FBP2: variants seen among roughly 807,000 people sequenced by gnomAD.
FBP2 encodes fructose-bisphosphatase 2, also known as fructose-1,6-bisphosphatase isozyme 2.
Under a neutral mutation model 31.6 loss-of-function variants are expected in FBP2, and 27 were observed. The ratio of observed to expected loss-of-function variants is 0.85; its 90% CI spans 0.63 to 1.18. FBP2 has a LOEUF of 1.18. FBP2 is among the 50% of genes most tolerant of loss of function. The pLI is 0.00. For missense variants in FBP2, 421 were observed against 436.1 expected (o/e 0.97, Z 0.31); for synonymous variants, 168 against 179.8 (o/e 0.93, Z 0.53).
At chr9:94,559,256 T>C in intron 6 of FBP2, 124 bp from the exon 7 acceptor site, 1 of 772,822 alleles carries the variant, frequency 1.3e-6, no homozygotes, top group African/African-American at 1.7e-5. Flanking sequence ...GAGCGCACCA[T>C]GCACCTTGCA....
intron 6 of FBP2, 85 bp downstream of exon 6, chr9:94,563,257 G>A: frequency 3.4e-6 from 5 of 1,470,098 alleles, no homozygotes; most frequent in Admixed American, 3.9e-5. Context: ...ATGAAGCAGT[G>A]CAGTAGCCAA....
rs1264862749 is a variant in FBP2 at position 94,593,574 on chromosome 9, C to T, written c.153G>A (p.Lys51=). 6.2e-7 allele frequency: 1 copy of T among 1,613,902 alleles called. No homozygotes were observed. Among genetic ancestry groups the T allele is most frequent in the Non-Finnish European group, 8.5e-7 (1 of 1,179,978 alleles). The change falls in exon 1 of 7, where the codon AAG becomes AAA. Residue 51 remains lysine (K), a synonymous_variant. Transcript: ENST00000375337. ...GGACTCACAGGTGGGCCAGACCGGC[C>T]TTGCGCACAGCCGAGGAGATGGCTT... The part of the protein sequence containing the change: ...AIKAISSAVR[K]AGLAHLYGIA...
At chr9:94,584,764 CAA>C in intron 2 of FBP2, 95 bp from the exon 3 acceptor site, 1 of 741,816 alleles carries the variant, frequency 1.3e-6, no homozygotes, top group East Asian at 2.6e-5. Flanking sequence ...TACACCACAT[CAA>C]AAAGAGATTG....
intron 3 of FBP2, among the ~76,000 whole-genome samples, chr9:94,572,500 G>T (rs1460861286): frequency 6.6e-6 from 1 of 152,192 alleles, no homozygotes; most frequent in Non-Finnish European, 1.5e-5. Flanking sequence ...CTGACCTCAT[G>T]GTCTGGTCTT....
At position 94,593,692 on chromosome 9, in the gene FBP2, A is replaced by G. The variant is rs1827526852; in HGVS notation, c.35T>C (p.Leu12Pro). The G allele has an allele frequency of 1.2e-6, 2 of 1,614,038 alleles. No individual in the cohort carries two copies. Among genetic ancestry groups the G allele is most frequent in the African/African-American group, 2.7e-5 (2 of 74,924 alleles). The change falls in exon 1 of 7, where the codon CTC (leucine) becomes CCC (proline). Residue 12 changes from leucine (L) to proline (P), a missense_variant. Transcript: ENST00000375337. ...TTCCATAACGTAGCGGGTCAGGGTGAGCATGTCGGTTTCGAAGGGGCTTCT... is the reference window on the plus strand; with the variant it reads ...TTCCATAACGTAGCGGGTCAGGGTGGGCATGTCGGTTTCGAAGGGGCTTCT... ...TDRSPFETDM[L>P]TLTRYVMEKG...
chr9:94,590,828 C>T (rs1445442110), intron 1 of FBP2, among the ~76,000 whole-genome samples: 1 of 152,130 alleles, frequency 6.6e-6, no homozygotes, highest in African/African-American at 2.4e-5. Context: ...TTTGTCAGGG[C>T]GCTGATTGGT....
intron 1 of FBP2, among the ~76,000 whole-genome samples, chr9:94,591,628 G>T (rs1438705188): frequency 2.0e-5 from 3 of 152,204 alleles, no homozygotes; most frequent in Non-Finnish European, 4.4e-5. Context: ...CTCAAATGCC[G>T]CCAGTGGTCA....
chr9:94,561,428 T>C (rs534386034), intron 6 of FBP2, among the ~76,000 whole-genome samples: 2 of 134,186 alleles, frequency 1.5e-5, no homozygotes, highest in South Asian at 2.6e-4. Flanking sequence ...AGTGGCGCGA[T>C]CTCGGCTCAC....
intron 1 of FBP2, 92 bp from the exon 2 acceptor site, chr9:94,587,561 C>T: frequency 9.0e-7 from 1 of 1,108,308 alleles, no homozygotes; most frequent in East Asian, 2.4e-5. Flanking sequence ...AGTGCAGTCC[C>T]CTCTCGTTCT....
At chr9:94,584,798 C>A in intron 2 of FBP2, 129 bp from the exon 3 acceptor site, 1 of 646,764 alleles carries the variant, frequency 1.5e-6, no homozygotes, top group Non-Finnish European at 2.8e-6. Context: ...ATATCTTTAT[C>A]AAAAAACACC....
chr9:94,581,514 T>C (rs2131456408), intron 3 of FBP2, among the ~76,000 whole-genome samples: 1 of 152,322 alleles, frequency 6.6e-6, no homozygotes, highest in South Asian at 2.1e-4. Context: ...GCCTGGAACA[T>C]TTAACTGGCT....
At chr9:94,571,758 C>T (rs1827272653) in intron 3 of FBP2, among the ~76,000 whole-genome samples, 156 bp from the exon 4 acceptor site, 1 of 152,212 alleles carries the variant, frequency 6.6e-6, no homozygotes, top group Non-Finnish European at 1.5e-5. Context: ...AACGAGTGGC[C>T]ATGTTGCCAA....
chr9:94,583,210 A>G (rs1362925326), intron 3 of FBP2, among the ~76,000 whole-genome samples: 1 of 152,158 alleles, frequency 6.6e-6, no homozygotes, highest in African/African-American at 2.4e-5. Flanking sequence ...AACCCCAAAT[A>G]TAATTGACAG....
intron 1 of FBP2, among the ~76,000 whole-genome samples, chr9:94,588,956 T>C (rs1207737400): frequency 6.6e-6 from 1 of 152,218 alleles, no homozygotes; most frequent in South Asian, 2.1e-4. Context: ...TCAAGAGCCA[T>C]GTGACGGCCA....
chr9:94,587,985 A>G (rs540377320), intron 1 of FBP2, among the ~76,000 whole-genome samples: 23 of 152,174 alleles, frequency 1.5e-4, no homozygotes, highest in African/African-American at 5.1e-4. Context: ...AGTAGCTGGG[A>G]CTACAGGCGC....
chr9:94,579,534 A>T (rs2131455271), intron 3 of FBP2, among the ~76,000 whole-genome samples: 1 of 152,278 alleles, frequency 6.6e-6, no homozygotes, highest in South Asian at 2.1e-4. Flanking sequence ...ATTGTATTAA[A>T]GTTTGTGGAG....
At chr9:94,560,584 C>A (rs943940982) in intron 6 of FBP2, among the ~76,000 whole-genome samples, 3 of 152,026 alleles carry the variant, frequency 2.0e-5, no homozygotes, top group Non-Finnish European at 4.4e-5. Flanking sequence ...GTTGACCCAG[C>A]TATGTGCAGC....
At chr9:94,583,534 A>T (rs141183796) in intron 3 of FBP2, among the ~76,000 whole-genome samples, 53 of 152,298 alleles carry the variant, frequency 3.5e-4, no homozygotes, top group African/African-American at 1.1e-3. Context: ...GGTTTAATCA[A>T]CTTCCTAATA....
rs1827441986 is a variant in FBP2 at position 94,587,481 on chromosome 9, A to G, written c.171-12T>C. 6.2e-7 allele frequency: 1 copy of G among 1,613,628 alleles called. No homozygotes were observed. Among genetic ancestry groups the G allele is most frequent in the Non-Finnish European group, 8.5e-7 (1 of 1,179,816 alleles). ...CTGCGATTCCATACCTGAGAAGACAAAAGGCTGAATGAGGAAGTCACTAGG... is the reference window on the plus strand; with the variant it reads ...CTGCGATTCCATACCTGAGAAGACAGAAGGCTGAATGAGGAAGTCACTAGG... On this transcript the variant is annotated splice_polypyrimidine_tract_variant and intron_variant, in intron 1 of 6. Coordinates refer to ENST00000375337, the MANE Select transcript of FBP2 (RefSeq NM_003837.4).
Sources: gnomAD v4.1 joint callset for allele counts (sites outside exome capture counted in the v4.1 genomes callset) on GRCh38, gnomAD v4.1.1 for gene constraint, MANE v1.5 for transcripts, NCBI Gene and HGNC (gene_info 2026-07-23, HGNC 2026-07-21) for gene names.